APBA1: variants seen among roughly 807,000 people sequenced by gnomAD.
The protein encoded by APBA1 is amyloid-beta A4 precursor protein-binding family A member 1.
In APBA1, 55 loss-of-function variants were observed where a neutral mutation model predicts 86.6. The observed-to-expected ratio is 0.64, with a 90% CI of 0.51 to 0.80. The LOEUF (loss-of-function observed/expected upper bound fraction) is 0.80. Among genes scored for constraint, APBA1 ranks in the 30% least tolerant of loss-of-function variants. The probability of loss-of-function intolerance (pLI) is 0.00; values close to 1 mark genes in which losing one functional copy is unlikely to be tolerated. For missense variants in APBA1, 1,090 were observed against 1,183.0 expected, an observed-to-expected ratio of 0.92 and a Z score of 1.15; for synonymous variants, 511 against 493.9, an observed-to-expected ratio of 1.03 and a Z score of -0.46.
chr9:69,549,944 A>C (rs971847059), intron 1 of APBA1, among the ~76,000 whole-genome samples: 2 of 152,194 alleles, frequency 1.3e-5, no homozygotes, highest in African/African-American at 4.8e-5. Flanking sequence ...CAGAATCTGG[A>C]GTCTGGTATA....
At chr9:69,525,607 T>C (rs570734231) in intron 1 of APBA1, among the ~76,000 whole-genome samples, 1 of 151,450 alleles carries the variant, frequency 6.6e-6, no homozygotes, top group Admixed American at 6.6e-5. Flanking sequence ...AAGGGTAAAA[T>C]GGATTGAAAG....
intron 2 of APBA1, among the ~76,000 whole-genome samples, chr9:69,495,799 G>A (rs894375598): frequency 6.6e-6 from 1 of 152,042 alleles, no homozygotes; most frequent in Non-Finnish European, 1.5e-5. Context: ...GGAGTTGGGG[G>A]AAAAGAGGCT....
intron 1 of APBA1, among the ~76,000 whole-genome samples, chr9:69,591,151 C>T (rs1822120983): frequency 6.6e-6 from 1 of 152,152 alleles, no homozygotes; most frequent in African/African-American, 2.4e-5. Flanking sequence ...TTTCCAAATG[C>T]TTTCAAGGCA....
chr9:69,571,075 A>G (rs2133948045), intron 1 of APBA1, among the ~76,000 whole-genome samples: 1 of 152,170 alleles, frequency 6.6e-6, no homozygotes, highest in Middle Eastern at 3.4e-3. Flanking sequence ...TGTTTTCCAA[A>G]CCCAAGCCTA....
intron 10 of APBA1, 82 bp from the exon 11 acceptor site, chr9:69,441,197 AAGAAGCTGCACTG>A (rs1834816674): frequency 6.6e-7 from 1 of 1,511,122 alleles, no homozygotes; most frequent in South Asian, 1.3e-5. Context: ...CCAAAGGCAA[AAGAAGCTGCACTG>A]AGTCTTCCGA....
At chr9:69,577,517 T>G (rs1361986157) in intron 1 of APBA1, among the ~76,000 whole-genome samples, 2 of 152,104 alleles carry the variant, frequency 1.3e-5, no homozygotes, top group Non-Finnish European at 2.9e-5. Context: ...GAGAGAAAGC[T>G]TTGGAAAGGA....
intron 2 of APBA1, among the ~76,000 whole-genome samples, chr9:69,509,226 G>C (rs1330918493): frequency 6.6e-6 from 1 of 151,190 alleles, no homozygotes; most frequent in Non-Finnish European, 1.5e-5. Context: ...AATAAAAAAT[G>C]ATAAAGGGGA....
At chr9:69,500,999 G>C (rs1302477680) in intron 2 of APBA1, among the ~76,000 whole-genome samples, 1 of 152,036 alleles carries the variant, frequency 6.6e-6, no homozygotes, top group Non-Finnish European at 1.5e-5. Context: ...GTAAACTGGG[G>C]CCAAAATGTT....
chr9:69,573,525 T>C (rs1837149272), intron 1 of APBA1, among the ~76,000 whole-genome samples: 1 of 152,170 alleles, frequency 6.6e-6, no homozygotes, highest in African/African-American at 2.4e-5. Context: ...ATTCACAAAA[T>C]TGTTGACTTT....
intron 11 of APBA1, among the ~76,000 whole-genome samples, chr9:69,433,210 C>T (rs924580282): frequency 6.6e-6 from 1 of 152,208 alleles, no homozygotes; most frequent in African/African-American, 2.4e-5. Context: ...CCTGTTCAAA[C>T]TCCCTTCCCA....
intron 9 of APBA1, 38 bp from the exon 10 acceptor site, chr9:69,449,834 G>A (rs775152695): frequency 9.0e-6 from 14 of 1,563,154 alleles, no homozygotes; most frequent in African/African-American, 8.1e-5. Flanking sequence ...CTCCATCAGT[G>A]ACCATCTGGG....
chr9:69,625,349 T>C (rs12337076), intron 1 of APBA1, among the ~76,000 whole-genome samples: 1,908 of 152,328 alleles, frequency 0.013, 23 homozygotes, highest in African/African-American at 0.038. Flanking sequence ...ATTCTCTGCA[T>C]AGGATTTAAC....
At chr9:69,647,016 T>C (rs1473923028) in intron 1 of APBA1, among the ~76,000 whole-genome samples, 2 of 152,192 alleles carry the variant, frequency 1.3e-5, no homozygotes, top group African/African-American at 4.8e-5. Flanking sequence ...ATGCTGCCAA[T>C]ACTGCCTGCA....
intron 2 of APBA1, among the ~76,000 whole-genome samples, chr9:69,506,452 G>C (rs1190534937): frequency 9.8e-6 from 1 of 102,300 alleles, no homozygotes; most frequent in Non-Finnish European, 2.0e-5. Context: ...TAGCACAGCA[G>C]TCTGAGATCA....
chr9:69,470,862 C>T (rs571047109), intron 4 of APBA1, among the ~76,000 whole-genome samples: 1 of 152,294 alleles, frequency 6.6e-6, no homozygotes, highest in African/African-American at 2.4e-5. Context: ...TTGGATGGTA[C>T]AGTCTCCAGC....
chr9:69,604,804 A>G (rs1822436726), intron 1 of APBA1, among the ~76,000 whole-genome samples: 1 of 149,272 alleles, frequency 6.7e-6, no homozygotes, highest in Non-Finnish European at 1.5e-5. Context: ...GGGTAAGTGG[A>G]GAGGCACATG....
intron 1 of APBA1, among the ~76,000 whole-genome samples, chr9:69,587,115 C>A (rs935179249): frequency 4.6e-5 from 7 of 152,248 alleles, no homozygotes. Context: ...ATTCATCCTA[C>A]TTCCCACAAG....
At chr9:69,595,620 A>G (rs1055719657) in intron 1 of APBA1, among the ~76,000 whole-genome samples, 3 of 152,136 alleles carry the variant, frequency 2.0e-5, no homozygotes, top group Non-Finnish European at 4.4e-5. Context: ...AATATTTTTT[A>G]TTTGTGGGTT....
At chr9:69,457,245 G>T in intron 6 of APBA1, 106 bp from the exon 7 acceptor site, 1 of 815,182 alleles carries the variant, frequency 1.2e-6, no homozygotes. Flanking sequence ...ACAGTCACCA[G>T]AACAGCAATA....
Sources: gnomAD v4.1 joint callset for allele counts (sites outside exome capture counted in the v4.1 genomes callset) on GRCh38, gnomAD v4.1.1 for gene constraint, MANE v1.5 for transcripts, NCBI Gene and HGNC (gene_info 2026-07-23, HGNC 2026-07-21) for gene names.